SDK2: variants seen among roughly 807,000 people sequenced by gnomAD.
The protein encoded by SDK2 is sidekick cell adhesion molecule 2, also known as protein sidekick-2.
Under a neutral mutation model 253.9 loss-of-function variants are expected in SDK2, and 105 were observed. That is an observed-to-expected ratio of 0.41 (90% CI 0.35 to 0.49). The LOEUF is 0.49. SDK2 is among the 20% of genes least tolerant of loss of function. The pLI, the probability that SDK2 is intolerant of heterozygous loss-of-function variation, is 0.06. For synonymous variants in SDK2, 1,249 were observed against 1,234.9 expected, an observed-to-expected ratio of 1.01 and a Z score of -0.24; for missense variants, 2,608 against 3,003.0, an observed-to-expected ratio of 0.87 and a Z score of 3.07.
At chr17:73,526,363 C>A (rs1485059785) in intron 1 of SDK2, among the ~76,000 whole-genome samples, 22 of 152,286 alleles carry the variant, frequency 1.4e-4, no homozygotes, top group African/African-American at 5.3e-4. Context: ...TTAGGACCTG[C>A]ATGACCTTGG....
Position 73,462,377 on chromosome 17 carries a change from T to C in SDK2, c.332-6324A>G, listed in dbSNP as rs1200625722. On this transcript the variant is annotated intron_variant, in intron 3 of 44. Coordinates refer to ENST00000392650, the MANE Select transcript of SDK2 (RefSeq NM_001144952.2). ...TGGAATAGATGGTTGTATGCATGTA[T>C]GTTTACATGTATGAATATATTTATG... 3.3e-5 allele frequency among the ~76,000 whole-genome samples: 5 copies of C among 152,096 alleles called. No individual in the cohort carries two copies. The South Asian group carries it at 6.2e-4, about 19-fold the overall frequency.
chr17:73,368,341 G>C, intron 37 of SDK2, 66 bp downstream of exon 37: 1 of 1,333,938 alleles, frequency 7.5e-7, no homozygotes, highest in Non-Finnish European at 9.8e-7. Flanking sequence ...CCGGATGCCA[G>C]GTAGGTCCTC....
chr17:73,420,730 C>CG (rs2063222675), intron 15 of SDK2, among the ~76,000 whole-genome samples: 2 of 151,970 alleles, frequency 1.3e-5, no homozygotes, highest in African/African-American at 2.4e-5. Context: ...GGCTGGAGTG[C>CG]GGTGGCACGA....
chr17:73,624,857 C>T (rs1480154175), intron 1 of SDK2, among the ~76,000 whole-genome samples: 1 of 152,194 alleles, frequency 6.6e-6, no homozygotes, highest in Non-Finnish European at 1.5e-5. Context: ...TGAGCAGTTA[C>T]TCTGCACCAG....
In SDK2 at chr17:73,435,054, C is replaced by T. The variant is rs1008930307; in HGVS notation, c.1195+396G>A. ...GAGCAGGAGAACTAAGAGAAAAACA[C>T]CAGTTTTCTTCTTTGGAAACATGAG... On this transcript the variant is annotated intron_variant, in intron 9 of 44. Coordinates refer to ENST00000392650, the MANE Select transcript of SDK2 (RefSeq NM_001144952.2). The surrounding 1 kb of genome is among the most constrained non-coding windows in gnomAD (Gnocchi z 5.7). Among the ~76,000 whole-genome samples, 2 of 152,176 alleles carry T rather than the reference C, an allele frequency of 1.3e-5. No homozygotes were observed. Among genetic ancestry groups the T allele is most frequent in the East Asian group, 3.9e-4 (2 of 5,192 alleles).
At chr17:73,590,440 C>T (rs987014021) in intron 1 of SDK2, among the ~76,000 whole-genome samples, 6 of 152,204 alleles carry the variant, frequency 3.9e-5, no homozygotes, top group African/African-American at 1.4e-4. Flanking sequence ...TGCCAAGACC[C>T]GCACCACCTG....
intron 2 of SDK2, among the ~76,000 whole-genome samples, chr17:73,478,291 G>A (rs2063699561): frequency 6.6e-6 from 1 of 152,196 alleles, no homozygotes; most frequent in Non-Finnish European, 1.5e-5. Flanking sequence ...TGTGCATGGA[G>A]CTTCCTCGGG....
Position 73,390,306 on chromosome 17 carries a change from C to CGTATCATTAA in SDK2, c.4172_4173insTTAATGATAC (p.Val1392Ter). ...AGTCACCTCTCTTCTCGGTGGTCAC[C>CGTATCATTAA]ACCAAGGCCTCGGCAGCTTCTCCCC... is the stretch of plus-strand genomic sequence containing the variant. On this transcript the variant is annotated stop_gained and frameshift_variant, in exon 29 of 45. Transcript: ENST00000392650. LOFTEE classifies it high-confidence loss of function. 1 of 1,589,372 alleles carries CGTATCATTAA rather than the reference C, an allele frequency of 6.3e-7. No individual in the cohort carries two copies. Among genetic ancestry groups the CGTATCATTAA allele is most frequent in the South Asian group, 1.1e-5 (1 of 89,062 alleles).
intron 1 of SDK2, among the ~76,000 whole-genome samples, chr17:73,625,713 C>T (rs919185329): frequency 2.0e-5 from 3 of 152,070 alleles, no homozygotes; most frequent in Non-Finnish European, 4.4e-5. Context: ...GGTGCAATCT[C>T]GGCTCACTGC....
At position 73,379,571 on chromosome 17, in the gene SDK2, G is replaced by A. The variant is rs1196319533; in HGVS notation, c.4763-22C>T. 6.8e-7 allele frequency: 1 copy of A among 1,473,146 alleles called. No homozygotes were observed. The highest frequency in any genetic ancestry group is 9.4e-7 in the Non-Finnish European group (1 of 1,059,006). 91.3% of individuals were successfully genotyped at this position (1,473,146 alleles called of 1,614,324 possible). A position where few individuals can be genotyped will look rare whatever the true frequency, so the allele number is the denominator to read the frequency against. On this transcript the variant is annotated intron_variant, in intron 34 of 44. Coordinates refer to ENST00000392650, the MANE Select transcript of SDK2 (RefSeq NM_001144952.2). The surrounding 1 kb of genome is among the most constrained non-coding windows in gnomAD (Gnocchi z 4.5). ...AGGTCTGTGGGGGAGAGTGGGGGAGGGGAAGCACACTGAGGTCACCGTCAT... is the reference window on the plus strand; with the variant it reads ...AGGTCTGTGGGGGAGAGTGGGGGAGAGGAAGCACACTGAGGTCACCGTCAT...
chr17:73,499,824 CATT>C (rs776287221), intron 2 of SDK2, among the ~76,000 whole-genome samples: 2 of 151,570 alleles, frequency 1.3e-5, no homozygotes, highest in Admixed American at 1.3e-4. Context: ...CCTCCATAAA[CATT>C]AATCCGTGCA....
intron 39 of SDK2, among the ~76,000 whole-genome samples, chr17:73,359,485 C>G (rs1216126623): frequency 3.3e-5 from 5 of 152,160 alleles, no homozygotes; most frequent in Non-Finnish European, 1.5e-5. Context: ...AGGCAGCCCT[C>G]AGGACCCTGT....
At chr17:73,484,596 G>A (rs2063758713) in intron 2 of SDK2, among the ~76,000 whole-genome samples, 1 of 152,206 alleles carries the variant, frequency 6.6e-6, no homozygotes, top group South Asian at 2.1e-4. Flanking sequence ...ACCATGGCCT[G>A]GGTGCCTTAA....
chr17:73,440,863 C>A lies in SDK2; in HGVS notation c.674G>T (p.Ser225Ile). 1 of 1,551,746 alleles carries A rather than the reference C, an allele frequency of 6.4e-7. No homozygotes were observed. The highest frequency in any genetic ancestry group is 8.7e-7 in the Non-Finnish European group (1 of 1,146,996). The change falls in exon 6 of 45, where the codon AGC becomes ATC. Residue 225 changes from serine (S) to isoleucine (I), a missense_variant. This residue lies in a region of SDK2 where 1,505 missense variants were observed against 1,859.1 expected (regional missense o/e 0.81). Transcript: ENST00000392650. ...PTIIIPPKNTSVVAGTSEVTL... is the reference protein window; with the variant it reads ...PTIIIPPKNTIVVAGTSEVTL... ...AACCTCTGAGGTGCCGGCCACCACG[C>A]TGGTGTTTTTAGGTGGGATGATGAT...
chr17:73,405,448 A>C (rs2063064555), intron 18 of SDK2, among the ~76,000 whole-genome samples: 1 of 121,176 alleles, frequency 8.3e-6, no homozygotes, highest in Non-Finnish European at 1.7e-5. Context: ...TCAAAAAAAA[A>C]AAAAAACAAA....
rs2270719 is a variant in SDK2, at chr17:73,385,941, G to A, written c.4499-24C>T. ...GGCTGTGGAGAGAAGCAGACAGGTG[G>A]GTTCTGGGGGCCGCAGCTTCAAGTT... On this transcript the variant is annotated intron_variant, in intron 31 of 44. Coordinates refer to ENST00000392650, the MANE Select transcript of SDK2 (RefSeq NM_001144952.2). The A allele has an allele frequency of 4.5e-3, 6,964 of 1,563,346 alleles. 310 individuals are homozygous for A. In the East Asian group the frequency reaches 0.12, roughly 26 times the overall value.
intron 2 of SDK2, among the ~76,000 whole-genome samples, chr17:73,490,403 T>C (rs2145727804): frequency 1.3e-5 from 2 of 152,270 alleles, no homozygotes; most frequent in Middle Eastern, 3.4e-3. Flanking sequence ...AGGAGGGTTT[T>C]TGATTGGGTA....
At chr17:73,378,035 G>A (rs1361992981) in intron 36 of SDK2, among the ~76,000 whole-genome samples, 2 of 152,180 alleles carry the variant, frequency 1.3e-5, no homozygotes, top group East Asian at 3.9e-4. Context: ...AGTTCCAAAG[G>A]GCTTTGTGAA....
intron 3 of SDK2, among the ~76,000 whole-genome samples, chr17:73,458,727 C>T (rs983726434): frequency 3.3e-5 from 5 of 152,152 alleles, no homozygotes; most frequent in Non-Finnish European, 2.9e-5. Context: ...TCCCCTTGGC[C>T]GGGTGCAGTG....
Sources: gnomAD v4.1 joint callset for allele counts (sites outside exome capture counted in the v4.1 genomes callset) on GRCh38, gnomAD v4.1.1 for gene constraint, gnomAD v4.1.1 regional missense constraint, Gnocchi (gnomAD v3.1) non-coding constraint, MANE v1.5 for transcripts, NCBI Gene and HGNC (gene_info 2026-07-23, HGNC 2026-07-21) for gene names.